The following LARP1B variants were observed in gnomAD, a reference collection of about 807,000 sequenced individuals.
LARP1B encodes la-related protein 1B.
Under a neutral mutation model 114.2 loss-of-function variants are expected in LARP1B, and 76 were observed. The observed-to-expected ratio is 0.67, with a 90% CI of 0.55 to 0.81. The LOEUF (loss-of-function observed/expected upper bound fraction) is 0.81. Ranked by LOEUF, LARP1B falls within the 30% of genes least tolerant of loss-of-function variation. The probability of loss-of-function intolerance (pLI) is 0.00; values close to 1 mark genes in which losing one functional copy is unlikely to be tolerated. For missense variants in LARP1B, 1,014 were observed against 1,075.8 expected (o/e 0.94, Z 0.80); for synonymous variants, 345 against 348.0 (o/e 0.99, Z 0.10).
intron 15 of LARP1B, among the ~76,000 whole-genome samples, chr4:128,190,328 A>G (rs1405543632): frequency 1.3e-5 from 2 of 151,696 alleles, no homozygotes; most frequent in African/African-American, 2.4e-5. Context: ...GCTCTTTTAT[A>G]TGTTCTTTTA....
rs781371707 is a variant in LARP1B, at chr4:128,210,534, A to C, written c.*481A>C. ...ATTCATATTTGAACTTACCAAAACAAAGGAGGATTACGTATATGTTTTTTA... is the reference window on the plus strand; with the variant it reads ...ATTCATATTTGAACTTACCAAAACACAGGAGGATTACGTATATGTTTTTTA... On this transcript the variant is annotated 3_prime_UTR_variant, in exon 20 of 20. Coordinates refer to ENST00000326639, the MANE Select transcript of LARP1B (RefSeq NM_018078.4). 12 of 973,140 alleles carry C rather than the reference A, an allele frequency of 1.2e-5. No individual in the cohort carries two copies. The highest frequency in any genetic ancestry group is 4.9e-6 in the Non-Finnish European group (4 of 818,092). The allele number at this position is 973,140 out of a possible 1,614,324, so 60.3% of individuals were successfully genotyped here.
At position 128,207,253 on chromosome 4, in the gene LARP1B, T is replaced by TA; in HGVS notation, c.2420-2dup. ...CATAATGTATATTATTCTTTGTTAT[T>TA]AGGTCAGCTGTATGGACTAGAAAAG... On this transcript the variant is annotated splice_polypyrimidine_tract_variant and splice_region_variant and intron_variant, in intron 18 of 19. Coordinates refer to ENST00000326639, the MANE Select transcript of LARP1B (RefSeq NM_018078.4). 7.4e-7 allele frequency: 1 copy of TA among 1,351,404 alleles called. No individual in the cohort carries two copies. Among genetic ancestry groups the TA allele is most frequent in the Non-Finnish European group, 9.9e-7 (1 of 1,010,324 alleles). 83.7% of individuals were successfully genotyped at this position (1,351,404 alleles called of 1,614,324 possible).
intron 11 of LARP1B, among the ~76,000 whole-genome samples, chr4:128,144,326 C>T (rs1039680605): frequency 6.6e-6 from 1 of 152,066 alleles, no homozygotes; most frequent in Non-Finnish European, 1.5e-5. Context: ...TTGAATATAT[C>T]CAATTTGAGG....
At chr4:128,073,418 CAAAAAAAAAAAAAAAAAA>C (rs776553862) in intron 1 of LARP1B, among the ~76,000 whole-genome samples, 2 of 42,910 alleles carry the variant, frequency 4.7e-5, no homozygotes, top group Non-Finnish European at 7.4e-5. Flanking sequence ...GATTCCGTCT[CAAAAAAAAAAAAAAAAAA>C]AAAAAAAAAA....
chr4:128,120,803 A>ATTT (rs56253884), intron 10 of LARP1B, among the ~76,000 whole-genome samples: 16 of 128,986 alleles, frequency 1.2e-4, no homozygotes, highest in Non-Finnish European at 1.3e-4. Flanking sequence ...GGGGTAGACA[A>ATTT]TTTTTTTTTT....
intron 11 of LARP1B, among the ~76,000 whole-genome samples, chr4:128,143,923 G>T (rs1729227019): frequency 6.6e-6 from 1 of 152,066 alleles, no homozygotes; most frequent in African/African-American, 2.4e-5. Flanking sequence ...GTTGAGAGTA[G>T]ATAATGGGGC....
intron 11 of LARP1B, among the ~76,000 whole-genome samples, chr4:128,136,351 A>G (rs1287408521): frequency 6.6e-6 from 1 of 152,040 alleles, no homozygotes; most frequent in Non-Finnish European, 1.5e-5. Context: ...ACAAAAAACA[A>G]AAAACAAAAC....
chr4:128,081,584 C>G (rs1360148032), intron 4 of LARP1B, among the ~76,000 whole-genome samples: 1 of 152,050 alleles, frequency 6.6e-6, no homozygotes, highest in Non-Finnish European at 1.5e-5. Context: ...GGGCGTCGAG[C>G]TTGAACGCTT....
At chr4:128,166,171 A>G (rs1323377683) in intron 12 of LARP1B, among the ~76,000 whole-genome samples, 1 of 152,060 alleles carries the variant, frequency 6.6e-6, no homozygotes, top group Non-Finnish European at 1.5e-5. Flanking sequence ...TCTTCCTCCT[A>G]GACTTCCACA....
At chr4:128,091,288 C>T (rs927406289) in intron 6 of LARP1B, 59 bp from the exon 7 acceptor site, 14 of 1,516,410 alleles carry the variant, frequency 9.2e-6, no homozygotes, top group Middle Eastern at 4.2e-4. Context: ...TCACTTTATC[C>T]GTAGTAACTA....
chr4:128,168,623 A>G (rs1742184857), intron 12 of LARP1B, among the ~76,000 whole-genome samples: 1 of 152,050 alleles, frequency 6.6e-6, no homozygotes, highest in South Asian at 2.1e-4. Context: ...TGTAAAGTAC[A>G]TTGATTGGTT....
At chr4:128,216,734 A>T (rs1000543447), downstream of LARP1B, among the ~76,000 whole-genome samples, 1 of 151,846 alleles carries the variant, frequency 6.6e-6, no homozygotes, top group African/African-American at 2.4e-5. Flanking sequence ...AATTAAAAGA[A>T]CTAGAGAAGC....
chr4:128,161,668 A>G (rs1448895304), intron 11 of LARP1B, among the ~76,000 whole-genome samples: 3 of 152,064 alleles, frequency 2.0e-5, no homozygotes, highest in Admixed American at 6.6e-5. Flanking sequence ...CTTTGCTCTC[A>G]TTACCTATTT....
intron 11 of LARP1B, among the ~76,000 whole-genome samples, chr4:128,161,545 T>TAG (rs1276336039): frequency 6.6e-6 from 1 of 152,232 alleles, no homozygotes; most frequent in Admixed American, 6.5e-5. Context: ...AAAGGTCTTC[T>TAG]AGTAGCTTTC....
At chr4:128,147,359 T>C (rs750058581) in intron 11 of LARP1B, among the ~76,000 whole-genome samples, 4 of 152,234 alleles carry the variant, frequency 2.6e-5, no homozygotes, top group Non-Finnish European at 5.9e-5. Flanking sequence ...TTTGCTCTTT[T>C]ATACATTCTT....
intron 7 of LARP1B, among the ~76,000 whole-genome samples, chr4:128,222,126 T>C (rs1760080589): frequency 6.6e-6 from 1 of 152,204 alleles, no homozygotes; most frequent in Non-Finnish European, 1.5e-5. Context: ...TGTTTTATTG[T>C]CCTAACATAG....
At chr4:128,094,926 T>A (rs763040834) in intron 7 of LARP1B, among the ~76,000 whole-genome samples, 2 of 152,004 alleles carry the variant, frequency 1.3e-5, no homozygotes, top group Non-Finnish European at 2.9e-5. Context: ...TAATTTTGTA[T>A]TTTTAGTAAA....
chr4:128,105,155 T>C (rs1781632960), intron 8 of LARP1B, among the ~76,000 whole-genome samples: 1 of 151,932 alleles, frequency 6.6e-6, no homozygotes, highest in East Asian at 1.9e-4. Flanking sequence ...GTTTTGAAAA[T>C]TAAACATAAG....
At chr4:128,091,900 T>C (rs1281841689) in intron 7 of LARP1B, among the ~76,000 whole-genome samples, 1 of 152,228 alleles carries the variant, frequency 6.6e-6, no homozygotes, top group Non-Finnish European at 1.5e-5. Flanking sequence ...CCTGGCTGTT[T>C]ATAACATTTT....
Sources: gnomAD v4.1 joint callset for allele counts (sites outside exome capture counted in the v4.1 genomes callset) on GRCh38, gnomAD v4.1.1 for gene constraint, MANE v1.5 for transcripts, NCBI Gene and HGNC (gene_info 2026-07-23, HGNC 2026-07-21) for gene names.